RNF111: variants seen among roughly 807,000 people sequenced by gnomAD.
RNF111 encodes ring finger protein 111.
RNF111 carries 17 observed loss-of-function variants against 95.1 expected under a neutral mutation model. That is an observed-to-expected ratio of 0.18 (90% CI 0.12 to 0.27). RNF111 has a LOEUF of 0.27. Among genes scored for constraint, RNF111 ranks in the 10% least tolerant of loss-of-function variants. RNF111 has a pLI of 1.00. For synonymous variants in RNF111, 440 were observed against 414.8 expected, an observed-to-expected ratio of 1.06 and a Z score of -0.74; for missense variants, 1,189 against 1,210.4, an observed-to-expected ratio of 0.98 and a Z score of 0.26.
intron 1 of RNF111, among the ~76,000 whole-genome samples, chr15:58,988,707 G>T (rs191950345): frequency 6.6e-6 from 1 of 152,318 alleles, no homozygotes; most frequent in Admixed American, 6.5e-5. Context: ...TTACAGATGG[G>T]TATTTCTCAA....
rs115696726 is a variant in RNF111, at chr15:59,096,195, A to T, written c.*1295A>T. 1.6e-3 allele frequency: 635 copies of T among 397,046 alleles called. 7 individuals carry two copies. The highest frequency in any genetic ancestry group is 0.012 in the African/African-American group (582 of 48,704). 24.6% of individuals were successfully genotyped at this position (397,046 alleles called of 1,614,324 possible). A position where few individuals can be genotyped will look rare whatever the true frequency, so the allele number is the denominator to read the frequency against. On this transcript the variant is annotated 3_prime_UTR_variant, in exon 14 of 14. Transcript: ENST00000348370. ...CATTTCTCCTTTGGAGGAAGTTTTAATCTACTTCAGGATGCATATTATTAT... is the reference window on the plus strand; with the variant it reads ...CATTTCTCCTTTGGAGGAAGTTTTATTCTACTTCAGGATGCATATTATTAT...
chr15:59,016,949 C>G (rs1262174267), intron 1 of RNF111, among the ~76,000 whole-genome samples: 1 of 151,790 alleles, frequency 6.6e-6, no homozygotes, highest in Non-Finnish European at 1.5e-5. Flanking sequence ...TTGCTCCTTA[C>G]GAGAATCTAA....
intron 1 of RNF111, among the ~76,000 whole-genome samples, chr15:59,014,866 C>T (rs1267793974): frequency 7.2e-5 from 11 of 152,024 alleles, no homozygotes; most frequent in African/African-American, 2.7e-4. Flanking sequence ...AGCGATTCTC[C>T]TACCTCAGCC....
At chr15:59,059,501 C>G (rs572646209) in intron 5 of RNF111, among the ~76,000 whole-genome samples, 1 of 152,270 alleles carries the variant, frequency 6.6e-6, no homozygotes, top group South Asian at 2.1e-4. Context: ...TAAGTCTACT[C>G]CTTAGTTATC....
chr15:59,050,575 A>C (rs1220185720), intron 2 of RNF111, among the ~76,000 whole-genome samples: 1 of 152,364 alleles, frequency 6.6e-6, no homozygotes, highest in East Asian at 1.9e-4. Flanking sequence ...ATTTAAGAGA[A>C]GTATCAAAAA....
chr15:59,050,019 C>T (rs565902264), intron 2 of RNF111, among the ~76,000 whole-genome samples: 29 of 150,944 alleles, frequency 1.9e-4, no homozygotes, highest in South Asian at 6.2e-4. Flanking sequence ...GGATTACAGG[C>T]GTGAGCCACC....
At chr15:59,052,498 CA>C (rs1352119006) in intron 3 of RNF111, 67 bp downstream of exon 3, 1 of 1,135,584 alleles carries the variant, frequency 8.8e-7, no homozygotes, top group Non-Finnish European at 1.2e-6. Flanking sequence ...ATTTGTGCTG[CA>C]GATATTTGCA....
intron 6 of RNF111, among the ~76,000 whole-genome samples, chr15:59,072,060 A>G (rs1237238302): frequency 1.3e-5 from 2 of 152,250 alleles, no homozygotes; most frequent in Non-Finnish European, 2.9e-5. Context: ...AAATAATTCA[A>G]TTTAAAAATA....
In RNF111 at chr15:58,987,809, G is replaced by A. The variant is rs1306506066; in HGVS notation, c.-279G>A. 2.5e-5 allele frequency: 4 copies of A among 157,430 alleles called. No homozygotes were observed. The highest frequency in any genetic ancestry group is 9.6e-5 in the African/African-American group (4 of 41,476). The allele number at this position is 157,430 out of a possible 1,614,324, so 9.8% of individuals were successfully genotyped here. ...CAGCGTAGAAACGCCCGCAGCTTCA[G>A]AGAAGGAGTTCTTGTGGGACCAAAT... On this transcript the variant is annotated 5_prime_UTR_variant, in exon 1 of 14. Coordinates refer to ENST00000348370, the MANE Select transcript of RNF111 (RefSeq NM_017610.8).
At position 59,064,535 on chromosome 15, in the gene RNF111, C is replaced by CAAAA. The variant is rs35804813; in HGVS notation, c.1367-2214_1367-2211dup. Among the ~76,000 whole-genome samples the CAAAA allele has an allele frequency of 5.4e-3, 415 of 76,640 alleles. 7 individuals carry two copies. The highest frequency in any genetic ancestry group is 0.03 in the Middle Eastern group (4 of 134). 50.3% of individuals were successfully genotyped at this position (76,640 alleles called of 152,430 possible). ...TGGGCGACAGAGCAAGACTTTGTCG[C>CAAAA]AAAAAAAAAAAAAAAAAAGGAAATA... On this transcript the variant is annotated intron_variant, in intron 5 of 13. Coordinates refer to ENST00000348370, the MANE Select transcript of RNF111 (RefSeq NM_017610.8).
At chr15:59,046,122 C>T (rs1429140506) in intron 2 of RNF111, among the ~76,000 whole-genome samples, 1 of 151,224 alleles carries the variant, frequency 6.6e-6, no homozygotes, top group African/African-American at 2.4e-5. Flanking sequence ...TAAAACGTTT[C>T]TGTAAATCAG....
Position 59,077,979 on chromosome 15 carries a change from A to G in RNF111, c.1948+1764A>G, listed in dbSNP as rs373091127. Reference sequence around the variant, plus strand: ...CCCGTATGCTTTAGTTCACGTGTGAAACATGTGGTTCTTAAACCTTTTTTC... The same window carrying G: ...CCCGTATGCTTTAGTTCACGTGTGAGACATGTGGTTCTTAAACCTTTTTTC... On this transcript the variant is annotated intron_variant, in intron 7 of 13. Coordinates refer to ENST00000348370, the MANE Select transcript of RNF111 (RefSeq NM_017610.8). Among the ~76,000 whole-genome samples, 16 of 152,338 alleles carry G rather than the reference A, an allele frequency of 1.1e-4. No homozygotes were observed. The East Asian group carries it at 1.3e-3, about 13-fold the overall frequency.
intron 10 of RNF111, among the ~76,000 whole-genome samples, chr15:59,086,707 C>T (rs1278955789): frequency 6.6e-6 from 1 of 152,150 alleles, no homozygotes; most frequent in African/African-American, 2.4e-5. Context: ...AAAGATGTAG[C>T]AAATAGCACA....
chr15:59,023,848 C>G (rs2040466887), intron 1 of RNF111, among the ~76,000 whole-genome samples: 1 of 152,098 alleles, frequency 6.6e-6, no homozygotes, highest in African/African-American at 2.4e-5. Flanking sequence ...TCCTGCCAGT[C>G]TAGTTTGAAG....
At chr15:59,053,691 A>G (rs560610839) in intron 3 of RNF111, among the ~76,000 whole-genome samples, 1 of 152,280 alleles carries the variant, frequency 6.6e-6, no homozygotes, top group South Asian at 2.1e-4. Flanking sequence ...TGCTTGGTAC[A>G]ACATTGACTC....
intron 8 of RNF111, among the ~76,000 whole-genome samples, chr15:59,082,078 TC>T (rs539899323): frequency 6.6e-6 from 1 of 152,110 alleles, no homozygotes; most frequent in Non-Finnish European, 1.5e-5. Context: ...ACCCTGTCTC[TC>T]CCCCTCTCCC....
In RNF111 at chr15:59,096,218, T is replaced by C. The variant is rs1485878376; in HGVS notation, c.*1318T>C. 2 of 395,920 alleles carry C rather than the reference T, an allele frequency of 5.1e-6. No individual in the cohort carries two copies. The highest frequency in any genetic ancestry group is 4.1e-5 in the African/African-American group (2 of 48,572). 24.5% of individuals were successfully genotyped at this position (395,920 alleles called of 1,614,324 possible). ...TAATCTACTTCAGGATGCATATTAT[T>C]ATCAAGATACTTTCATATACAGGAT... On this transcript the variant is annotated 3_prime_UTR_variant, in exon 14 of 14. Transcript: ENST00000348370.
intron 1 of RNF111, among the ~76,000 whole-genome samples, chr15:59,022,407 G>A (rs1222655521): frequency 6.6e-6 from 1 of 152,176 alleles, no homozygotes; most frequent in Non-Finnish European, 1.5e-5. Context: ...ACCTGTCAGA[G>A]GAGATAGTTA....
chr15:59,075,200 C>T (rs2043115111), intron 6 of RNF111, among the ~76,000 whole-genome samples: 1 of 152,158 alleles, frequency 6.6e-6, no homozygotes, highest in East Asian at 1.9e-4. Flanking sequence ...GGAAAAATAA[C>T]TCTGATAGAC....
Sources: allele counts gnomAD v4.1 joint callset (sites outside exome capture counted in the v4.1 genomes callset), GRCh38; gene constraint gnomAD v4.1.1; transcripts MANE v1.5; gene names NCBI Gene and HGNC (gene_info 2026-07-23, HGNC 2026-07-21).